NCAPD3: variants seen among roughly 807,000 people sequenced by gnomAD.
NCAPD3 encodes non-SMC condensin II complex subunit D3, also known as condensin-2 complex subunit D3.
NCAPD3 carries 105 observed loss-of-function variants against 182.9 expected under a neutral mutation model. That is an observed-to-expected ratio of 0.57 (90% confidence interval 0.49 to 0.68). NCAPD3 has a LOEUF of 0.68. Ranked by LOEUF, NCAPD3 falls within the 30% of genes least tolerant of loss-of-function variation. NCAPD3 has a pLI of 0.00. For synonymous variants in NCAPD3, 815 were observed against 679.9 expected, an observed-to-expected ratio of 1.20 and a Z score of -3.09; for missense variants, 1,944 against 1,837.0, an observed-to-expected ratio of 1.06 and a Z score of -1.07.
At chr11:134,225,408 C>T (rs534431024), upstream of NCAPD3, 729 of 1,519,762 alleles carry the variant, frequency 4.8e-4, 1 homozygote, top group Non-Finnish European at 6.1e-4. Context: ...CAGGGTGATT[C>T]AGGGCCCAGC....
In NCAPD3 at chr11:134,178,920, G is replaced by A; in HGVS notation, c.2576C>T (p.Thr859Ile). 6.2e-7 allele frequency: 1 copy of A among 1,613,156 alleles called. No homozygotes were observed. Among genetic ancestry groups the A allele is most frequent in the East Asian group, 2.2e-5 (1 of 44,874 alleles). The change falls in exon 21 of 35, where the codon ACC becomes ATC. Residue 859 changes from threonine (T) to isoleucine (I), a missense_variant. By Grantham distance (89) the Thr-to-Ile change is moderately conservative. Coordinates refer to ENST00000534548, the MANE Select transcript of NCAPD3 (RefSeq NM_015261.3). ...DEDLLVKYIFTLGDIAQLCPA... is the reference protein window; with the variant it reads ...DEDLLVKYIFILGDIAQLCPA... Reference sequence around the variant, plus strand: ...ACACAGCTGGGCTATATCCCCTAAGGTAAAAATGTACTTCACCTACAAAGA... The same window carrying A: ...ACACAGCTGGGCTATATCCCCTAAGATAAAAATGTACTTCACCTACAAAGA...
rs12362774 is a variant in NCAPD3, at chr11:134,161,893, T to C, written c.3574-2A>G. On this transcript the variant is annotated splice_acceptor_variant, in intron 27 of 34. Coordinates refer to ENST00000534548, the MANE Select transcript of NCAPD3 (RefSeq NM_015261.3). LOFTEE classifies it high-confidence loss of function. The stretch of plus-strand genomic sequence containing the variant: ...TTCTATGAAATTCCTCTTCTGAACC[T>C]GGTAACACAAACAAAGACATGTTTT... The C allele has an allele frequency of 6.9e-7, 1 of 1,449,894 alleles. No individual in the cohort carries two copies. The highest frequency in any genetic ancestry group is 9.6e-7 in the Non-Finnish European group (1 of 1,047,026). 89.8% of individuals were successfully genotyped at this position (1,449,894 alleles called of 1,614,324 possible).
chr11:134,194,719 C>T lies in NCAPD3; in HGVS notation c.1635G>A (p.Met545Ile). The T allele has an allele frequency of 6.2e-7, 1 of 1,609,344 alleles. No homozygotes were observed. The highest frequency in any genetic ancestry group is 1.1e-5 in the South Asian group (1 of 90,504). ...TCTCATCCCTGATCCTCCTTCTCAGCATTGCCATGACACATCTTTCTGTAG... is the reference window on the plus strand; with the variant it reads ...TCTCATCCCTGATCCTCCTTCTCAGTATTGCCATGACACATCTTTCTGTAG... The part of the protein sequence containing the change: ...VGSGERCVMA[M>I]LRRRIRDEKT... Residue 545 changes from methionine to isoleucine, a missense_variant, in exon 14 of 35, where the codon ATG becomes ATA. Around this residue, in one of 3 missense-constraint regions of NCAPD3, gnomAD observed 1,803 missense variants for 1,674.6 expected, o/e 1.08. Transcript: ENST00000534548.
chr11:134,213,082 C>A (rs1173806243), intron 3 of NCAPD3, among the ~76,000 whole-genome samples: 1 of 152,152 alleles, frequency 6.6e-6, no homozygotes, highest in African/African-American at 2.4e-5. Context: ...AATCCCAGCC[C>A]TTTGGGAGGC....
At chr11:134,175,631 G>A (rs1199567586) in intron 24 of NCAPD3, among the ~76,000 whole-genome samples, 1 of 152,122 alleles carries the variant, frequency 6.6e-6, no homozygotes, top group Admixed American at 6.5e-5. Flanking sequence ...CTTTTGCTAT[G>A]GCATTCAGCA....
chr11:134,183,742 A>G (rs1182450988), intron 19 of NCAPD3, among the ~76,000 whole-genome samples: 2 of 152,212 alleles, frequency 1.3e-5, no homozygotes, highest in Admixed American at 1.3e-4. Context: ...TCCCAAGCAA[A>G]AAAGTTACAA....
chr11:134,159,376 T>C (rs1409957292), intron 29 of NCAPD3, among the ~76,000 whole-genome samples: 6 of 152,366 alleles, frequency 3.9e-5, no homozygotes, highest in African/African-American at 1.2e-4. Flanking sequence ...TTTGAAGCCA[T>C]ATCAACCCTG....
intron 23 of NCAPD3, among the ~76,000 whole-genome samples, chr11:134,176,708 G>A (rs1944176650): frequency 6.6e-6 from 1 of 152,186 alleles, no homozygotes; most frequent in Admixed American, 6.5e-5. Flanking sequence ...AGTGAAAGGT[G>A]TTCTCCCCAT....
At chr11:134,219,145 T>G (rs1938134684) in intron 2 of NCAPD3, among the ~76,000 whole-genome samples, 2 of 152,196 alleles carry the variant, frequency 1.3e-5, no homozygotes, top group Non-Finnish European at 2.9e-5. Flanking sequence ...TTCCTGCGTG[T>G]TCCCATTGGG....
intron 2 of NCAPD3, among the ~76,000 whole-genome samples, chr11:134,218,298 T>C (rs557340630): frequency 1.9e-4 from 29 of 152,226 alleles, no homozygotes; most frequent in African/African-American, 6.7e-4. Flanking sequence ...TGGGCGTCAG[T>C]GACCCTGCAC....
chr11:134,182,987 C>A, intron 19 of NCAPD3: 1 of 405,648 alleles, frequency 2.5e-6, no homozygotes. Flanking sequence ...GTAAGCCCCA[C>A]CCGCTTCCAG....
intron 7 of NCAPD3, among the ~76,000 whole-genome samples, chr11:134,207,653 A>G (rs1937659658): frequency 6.8e-6 from 1 of 148,134 alleles, no homozygotes; most frequent in African/African-American, 2.5e-5. Context: ...CTGAGGCAGG[A>G]GAATCACTTG....
chr11:134,180,003 A>G (rs546397614), intron 20 of NCAPD3, among the ~76,000 whole-genome samples: 1 of 152,040 alleles, frequency 6.6e-6, no homozygotes, highest in South Asian at 2.1e-4. Flanking sequence ...GTAGATTTTG[A>G]TGACACGGTT....
chr11:134,225,197 C>T (rs1431310354), upstream of NCAPD3: 17 of 1,614,030 alleles, frequency 1.1e-5, no homozygotes, highest in Admixed American at 3.3e-5. Flanking sequence ...GGAAGCGGGC[C>T]GAGCACAAGA....
At chr11:134,221,356 T>A (rs1938220037) in intron 1 of NCAPD3, among the ~76,000 whole-genome samples, 1 of 151,914 alleles carries the variant, frequency 6.6e-6, no homozygotes, top group Admixed American at 6.5e-5. Flanking sequence ...CCCATTCTTT[T>A]CTTTTTCTTT....
chr11:134,203,744 C>A lies in NCAPD3; in HGVS notation c.1378G>T (p.Val460Phe). 1 of 1,614,186 alleles carries A rather than the reference C, an allele frequency of 6.2e-7. No homozygotes were observed. The change falls in exon 11 of 35, where the codon GTC (valine) becomes TTC (phenylalanine). Residue 460 changes from valine to phenylalanine, a missense_variant. This residue lies in a region of NCAPD3 where 1,803 missense variants were observed against 1,674.6 expected (regional missense o/e 1.08). Coordinates refer to ENST00000534548, the MANE Select transcript of NCAPD3 (RefSeq NM_015261.3). ...FDRCLDKAPT[V>F]RSKALSSFAH... The stretch of plus-strand genomic sequence containing the variant: ...AAGCTGGACAGTGCCTTGCTGCGGA[C>A]AGTAGGCGCCTTGTCTAAGCAACGA...
upstream of NCAPD3, chr11:134,225,297 A>C: frequency 6.2e-7 from 1 of 1,613,662 alleles, no homozygotes; most frequent in Non-Finnish European, 8.5e-7. Flanking sequence ...GAACCCCAAC[A>C]AGCGGCTGGA....
chr11:134,164,867 A>C (rs926376529), intron 27 of NCAPD3, among the ~76,000 whole-genome samples: 5 of 147,828 alleles, frequency 3.4e-5, no homozygotes, highest in African/African-American at 7.6e-5. Context: ...AGCTTGAGGG[A>C]GCTACATACT....
chr11:134,213,166 A>C (rs1937900770), intron 3 of NCAPD3, among the ~76,000 whole-genome samples: 1 of 152,150 alleles, frequency 6.6e-6, no homozygotes, highest in Non-Finnish European at 1.5e-5. Flanking sequence ...CCCTGTCTCT[A>C]CAAAAATAAA....
Sources: gnomAD v4.1 joint callset for allele counts (sites outside exome capture counted in the v4.1 genomes callset) on GRCh38, gnomAD v4.1.1 for gene constraint, gnomAD v4.1.1 regional missense constraint, MANE v1.5 for transcripts, NCBI Gene and HGNC (gene_info 2026-07-23, HGNC 2026-07-21) for gene names.